The following RASAL2 variants were observed in gnomAD, a reference collection of about 807,000 sequenced individuals.
RASAL2 encodes the protein RAS protein activator like 2, also known as ras GTPase-activating protein nGAP.
Under a neutral mutation model 128.9 loss-of-function variants are expected in RASAL2, and 58 were observed. That is an observed-to-expected ratio of 0.45 (90% CI 0.36 to 0.56). RASAL2 has a LOEUF of 0.56. RASAL2 is among the 20% of genes least tolerant of loss of function. The pLI is 0.00. For synonymous variants in RASAL2, 561 were observed against 580.8 expected (o/e 0.97, Z 0.49); for missense variants, 1,360 against 1,601.6 (o/e 0.85, Z 2.57).
chr1:178,466,318 T>C (rs956620388), intron 16 of RASAL2, among the ~76,000 whole-genome samples, 196 bp downstream of exon 16: 1 of 152,250 alleles, frequency 6.6e-6, no homozygotes, highest in Non-Finnish European at 1.5e-5. Context: ...ATAATCTGTT[T>C]TTCTTTAACC....
At chr1:178,300,523 G>A (rs1258291611) in intron 3 of RASAL2, among the ~76,000 whole-genome samples, 1 of 152,150 alleles carries the variant, frequency 6.6e-6, no homozygotes, top group African/African-American at 2.4e-5. Context: ...TACTGGTGTT[G>A]TCTTATATGA....
intron 1 of RASAL2, among the ~76,000 whole-genome samples, chr1:178,198,794 A>G (rs1201273416): frequency 3.9e-5 from 6 of 152,288 alleles, no homozygotes; most frequent in Middle Eastern, 6.8e-3. Flanking sequence ...TGAGGGTGCA[A>G]TCTGTCCATT....
At chr1:178,108,993 T>C (rs1489436332) in intron 1 of RASAL2, among the ~76,000 whole-genome samples, 1 of 152,210 alleles carries the variant, frequency 6.6e-6, no homozygotes, top group Admixed American at 6.5e-5. Flanking sequence ...TTTTTTTCTA[T>C]AAAAGCATGT....
intron 4 of RASAL2, among the ~76,000 whole-genome samples, chr1:178,404,346 A>G (rs1673847442): frequency 6.6e-6 from 1 of 151,484 alleles, no homozygotes; most frequent in Admixed American, 6.6e-5. Context: ...AACAATGTTC[A>G]AATTCACTTA....
chr1:178,435,454 T>A (rs1376908958), intron 5 of RASAL2, among the ~76,000 whole-genome samples: 1 of 152,132 alleles, frequency 6.6e-6, no homozygotes, highest in East Asian at 1.9e-4. Context: ...CACTTTTATC[T>A]TTTAAGACTG....
At chr1:178,320,078 T>C (rs1297093330) in intron 3 of RASAL2, among the ~76,000 whole-genome samples, 4 of 151,996 alleles carry the variant, frequency 2.6e-5, no homozygotes, top group Non-Finnish European at 5.9e-5. Flanking sequence ...GTGCCCCTGC[T>C]GGGGGGTGCC....
At chr1:178,378,806 A>T (rs1004153194) in intron 3 of RASAL2, among the ~76,000 whole-genome samples, 1 of 152,174 alleles carries the variant, frequency 6.6e-6, no homozygotes, top group African/African-American at 2.4e-5. Context: ...GTAGTCTTTT[A>T]CATTGAAAAG....
intron 3 of RASAL2, among the ~76,000 whole-genome samples, chr1:178,314,401 T>C (rs1668400962): frequency 1.3e-5 from 2 of 152,222 alleles, no homozygotes; most frequent in African/African-American, 4.8e-5. Context: ...CTCTTGCAGC[T>C]TTTAAAGTAC....
intron 3 of RASAL2, among the ~76,000 whole-genome samples, chr1:178,329,627 A>G (rs1196281399): frequency 6.6e-6 from 1 of 152,182 alleles, no homozygotes; most frequent in Non-Finnish European, 1.5e-5. Context: ...TTCCAAGTGA[A>G]CGTGATGTCT....
Position 178,256,968 on chromosome 1 carries a change from C to T in RASAL2, c.203-26596C>T, listed in dbSNP as rs547078043. On this transcript the variant is annotated intron_variant, in intron 1 of 17. Coordinates refer to ENST00000367649, the MANE Select transcript of RASAL2 (RefSeq NM_170692.4). ...GGATTACAGGCATGAGCCACTGCGC[C>T]TGGCCCAATGGTATTTTTATATACT... 7.9e-5 allele frequency among the ~76,000 whole-genome samples: 12 copies of T among 152,242 alleles called. No homozygotes were observed. In the East Asian group the frequency reaches 2.1e-3, roughly 27 times the overall value.
chr1:178,257,576 G>A (rs1047884446), intron 1 of RASAL2, among the ~76,000 whole-genome samples: 3 of 151,910 alleles, frequency 2.0e-5, no homozygotes, highest in African/African-American at 7.3e-5. Flanking sequence ...GGTGGCTCAC[G>A]CCTGTAATCC....
At chr1:178,267,977 C>T (rs1257627838) in intron 1 of RASAL2, among the ~76,000 whole-genome samples, 7 of 149,866 alleles carry the variant, frequency 4.7e-5, no homozygotes, top group African/African-American at 1.7e-4. Context: ...TACTTACTTC[C>T]TTGCTTTGTT....
intron 3 of RASAL2, among the ~76,000 whole-genome samples, chr1:178,321,361 C>G (rs1233324478): frequency 6.6e-6 from 1 of 152,172 alleles, no homozygotes; most frequent in Non-Finnish European, 1.5e-5. Flanking sequence ...GCTGCAATTA[C>G]AGGCGTGAGC....
chr1:178,354,430 C>T (rs1670687506), intron 3 of RASAL2, among the ~76,000 whole-genome samples: 1 of 152,070 alleles, frequency 6.6e-6, no homozygotes, highest in African/African-American at 2.4e-5. Context: ...AGATGAGGAC[C>T]AAGGCTGGGA....
At chr1:178,372,638 T>C (rs1023521180) in intron 3 of RASAL2, among the ~76,000 whole-genome samples, 1 of 152,160 alleles carries the variant, frequency 6.6e-6, no homozygotes, top group African/African-American at 2.4e-5. Flanking sequence ...AATAATATTA[T>C]TGTTTTACTT....
intron 1 of RASAL2, among the ~76,000 whole-genome samples, chr1:178,244,115 C>T (rs912617053): frequency 1.3e-5 from 2 of 152,146 alleles, no homozygotes; most frequent in Admixed American, 1.3e-4. Flanking sequence ...AGTCAGTTTG[C>T]ACTTATACAG....
At chr1:178,140,002 GT>G (rs1660470254) in intron 1 of RASAL2, among the ~76,000 whole-genome samples, 1 of 152,084 alleles carries the variant, frequency 6.6e-6, no homozygotes. Flanking sequence ...ATGCTAAGAG[GT>G]GAAAGAACTT....
At chr1:178,354,935 G>A (rs1557924880) in intron 3 of RASAL2, among the ~76,000 whole-genome samples, 1 of 152,108 alleles carries the variant, frequency 6.6e-6, no homozygotes, top group East Asian at 1.9e-4. Flanking sequence ...GTGAAGCCTG[G>A]GCAACATGAT....
intron 1 of RASAL2, among the ~76,000 whole-genome samples, chr1:178,108,294 A>C (rs1245068444): frequency 6.6e-6 from 1 of 152,096 alleles, no homozygotes; most frequent in Non-Finnish European, 1.5e-5. Flanking sequence ...ATGAATTCTC[A>C]GTAGATGTAT....
Sources: gnomAD v4.1 joint callset for allele counts (sites outside exome capture counted in the v4.1 genomes callset) on GRCh38, gnomAD v4.1.1 for gene constraint, MANE v1.5 for transcripts, NCBI Gene and HGNC (gene_info 2026-07-23, HGNC 2026-07-21) for gene names.